The following CWC27 variants were observed in gnomAD, a reference collection of about 807,000 sequenced individuals.
CWC27 encodes the protein spliceosome-associated protein CWC27 homolog.
In CWC27, 47 loss-of-function variants were observed where a neutral mutation model predicts 63.6. That is an observed-to-expected ratio of 0.74 (90% CI 0.58 to 0.94). The LOEUF (loss-of-function observed/expected upper bound fraction) is 0.94. Among genes scored for constraint, CWC27 ranks in the 40% least tolerant of loss-of-function variants. CWC27 has a pLI of 0.00. For missense variants in CWC27, 495 were observed against 554.3 expected (o/e 0.89, Z 1.07); for synonymous variants, 175 against 179.8 (o/e 0.97, Z 0.22).
chr5:64,823,136 C>A (rs1238130622), intron 10 of CWC27, among the ~76,000 whole-genome samples: 1 of 152,168 alleles, frequency 6.6e-6, no homozygotes, highest in African/African-American at 2.4e-5. Flanking sequence ...ACCTGCCCTT[C>A]CTATTTCAGT....
intron 10 of CWC27, among the ~76,000 whole-genome samples, chr5:64,840,540 A>G (rs576174322): frequency 1.3e-5 from 2 of 150,904 alleles, no homozygotes; most frequent in South Asian, 4.2e-4. Flanking sequence ...AAGTCTTTCT[A>G]TGAGGCAGGT....
In CWC27 at chr5:64,801,424, C is replaced by T. The variant is rs554005965; in HGVS notation, c.780+92C>T. ...ACTTAATTTTGTTCTTAAAAAGTAA[C>T]GTATATTACTTTTATAGTTATATAT... On this transcript the variant is annotated intron_variant, in intron 9 of 13. Transcript: ENST00000381070. 145 of 1,002,862 alleles carry T rather than the reference C, an allele frequency of 1.4e-4. 1 individual carries two copies. Among genetic ancestry groups the T allele is most frequent in the Non-Finnish European group, 1.8e-4 (132 of 749,516 alleles). 62.1% of individuals were successfully genotyped at this position (1,002,862 alleles called of 1,614,324 possible).
intron 11 of CWC27, among the ~76,000 whole-genome samples, chr5:64,935,781 G>A (rs1337145093): frequency 1.3e-5 from 2 of 152,170 alleles, no homozygotes; most frequent in African/African-American, 4.8e-5. Flanking sequence ...TCCTTGAGCA[G>A]TGGCTTATAG....
At chr5:64,865,591 A>C (rs1212384597) in intron 10 of CWC27, among the ~76,000 whole-genome samples, 1 of 151,992 alleles carries the variant, frequency 6.6e-6, no homozygotes, top group Non-Finnish European at 1.5e-5. Flanking sequence ...TCATTGGTTA[A>C]TTTTGTTATT....
chr5:64,772,636 A>C (rs1743304640), intron 1 of CWC27, among the ~76,000 whole-genome samples: 1 of 141,148 alleles, frequency 7.1e-6, no homozygotes, highest in Non-Finnish European at 1.6e-5. Flanking sequence ...AAAAAAAAAA[A>C]AAAAAAAAAA....
At chr5:64,881,319 A>C (rs1408956363) in intron 10 of CWC27, among the ~76,000 whole-genome samples, 1 of 152,142 alleles carries the variant, frequency 6.6e-6, no homozygotes, top group Non-Finnish European at 1.5e-5. Context: ...TGTATATGAT[A>C]TGACTACATT....
intron 11 of CWC27, among the ~76,000 whole-genome samples, chr5:64,954,527 C>G (rs1338109278): frequency 6.6e-5 from 10 of 151,946 alleles, no homozygotes; most frequent in African/African-American, 2.4e-4. Context: ...TCAAAGGAGC[C>G]TCCCACCTTA....
chr5:64,952,588 T>G (rs1444324439), intron 11 of CWC27, among the ~76,000 whole-genome samples: 1 of 152,014 alleles, frequency 6.6e-6, no homozygotes, highest in Non-Finnish European at 1.5e-5. Context: ...TATGGAATCT[T>G]TCATCCCGTC....
At chr5:64,975,716 C>T (rs780796964) in intron 12 of CWC27, among the ~76,000 whole-genome samples, 6 of 152,068 alleles carry the variant, frequency 3.9e-5, no homozygotes, top group Non-Finnish European at 7.3e-5. Flanking sequence ...TATTTGTATT[C>T]ATCTTTCACT....
At chr5:64,916,133 C>G (rs1747883553) in intron 11 of CWC27, among the ~76,000 whole-genome samples, 1 of 152,156 alleles carries the variant, frequency 6.6e-6, no homozygotes, top group Non-Finnish European at 1.5e-5. Flanking sequence ...TAAAGATTTT[C>G]CCGTTCAACA....
At chr5:64,920,583 A>C (rs1464107589) in intron 11 of CWC27, among the ~76,000 whole-genome samples, 1 of 152,056 alleles carries the variant, frequency 6.6e-6, no homozygotes. Context: ...ATCCATCTAG[A>C]CCAGGGATTT....
At chr5:65,014,634 T>TA (rs1750019347) in intron 13 of CWC27, among the ~76,000 whole-genome samples, 1 of 152,102 alleles carries the variant, frequency 6.6e-6, no homozygotes, top group Non-Finnish European at 1.5e-5. Context: ...TTGTAAACTA[T>TA]CAGACCCCCT....
intron 2 of CWC27, among the ~76,000 whole-genome samples, chr5:64,780,447 G>A (rs915538382): frequency 1.3e-5 from 2 of 149,346 alleles, no homozygotes; most frequent in Admixed American, 6.7e-5. Context: ...ATAAACAATC[G>A]ATTCTTTTGG....
chr5:64,949,029 A>G (rs1748648809), intron 11 of CWC27, among the ~76,000 whole-genome samples: 1 of 152,036 alleles, frequency 6.6e-6, no homozygotes, highest in Admixed American at 6.6e-5. Context: ...GATGTGTCTA[A>G]GGGCATACTG....
chr5:64,827,088 A>G (rs1745382748), intron 10 of CWC27, among the ~76,000 whole-genome samples: 1 of 152,168 alleles, frequency 6.6e-6, no homozygotes, highest in African/African-American at 2.4e-5. Flanking sequence ...AAGTTAACAT[A>G]GCAGGTCTTC....
chr5:64,909,472 A>C (rs1747738728), intron 11 of CWC27, among the ~76,000 whole-genome samples: 1 of 152,054 alleles, frequency 6.6e-6, no homozygotes, highest in Non-Finnish European at 1.5e-5. Context: ...CTGAATTTGA[A>C]TGTTGGCCTG....
chr5:64,776,623 G>A (rs1352823129), intron 2 of CWC27, among the ~76,000 whole-genome samples: 1 of 152,006 alleles, frequency 6.6e-6, no homozygotes, highest in Non-Finnish European at 1.5e-5. Flanking sequence ...CTAACATGAA[G>A]CCTAAGAAGA....
intron 11 of CWC27, among the ~76,000 whole-genome samples, chr5:64,962,345 C>T (rs1354206411): frequency 1.3e-5 from 2 of 152,062 alleles, no homozygotes; most frequent in Non-Finnish European, 2.9e-5. Context: ...ATCATAAGTA[C>T]CAGAAACAAA....
At position 65,004,096 on chromosome 5, in the gene CWC27, C is replaced by T. The variant is rs1337950407; in HGVS notation, c.1257-14063C>T. ...CTGGTCTCAAGTGATCTGCCTGCCT[C>T]GGCCTCCCAAAGTGCCGGGATTTCA... is the stretch of plus-strand genomic sequence containing the variant. On this transcript the variant is annotated intron_variant, in intron 13 of 13. Transcript: ENST00000381070. Among the ~76,000 whole-genome samples the T allele has an allele frequency of 3.3e-5, 5 of 152,126 alleles. No homozygotes were observed. In the South Asian group the frequency reaches 6.2e-4, roughly 19 times the overall value.
Sources: gnomAD v4.1 joint callset for allele counts (sites outside exome capture counted in the v4.1 genomes callset) on GRCh38, gnomAD v4.1.1 for gene constraint, MANE v1.5 for transcripts, NCBI Gene and HGNC (gene_info 2026-07-23, HGNC 2026-07-21) for gene names.